The following LHFPL6 variants were observed in gnomAD, a reference collection of about 807,000 sequenced individuals.
LHFPL6 encodes LHFPL tetraspan subfamily member 6 protein.
Under a neutral mutation model 20.6 loss-of-function variants are expected in LHFPL6, and 9 were observed. The observed-to-expected ratio is 0.44, with a 90% CI of 0.26 to 0.76. The LOEUF is 0.76. Among genes scored for constraint, LHFPL6 ranks in the 30% least tolerant of loss-of-function variants. The pLI is 0.20. For synonymous variants in LHFPL6, 105 were observed against 98.7 expected (o/e 1.06, Z -0.38); for missense variants, 218 against 253.5 (o/e 0.86, Z 0.95).
chr13:39,370,692 G>C (rs1316633737), intron 3 of LHFPL6, among the ~76,000 whole-genome samples: 2 of 152,190 alleles, frequency 1.3e-5, no homozygotes, highest in Admixed American at 1.3e-4. Context: ...ACACAACGCA[G>C]ATGCCTGCAG....
intron 2 of LHFPL6, among the ~76,000 whole-genome samples, chr13:39,521,072 A>T (rs1870090625): frequency 6.6e-6 from 1 of 152,178 alleles, no homozygotes; most frequent in African/African-American, 2.4e-5. Context: ...AATTATGACT[A>T]CTTGGACAAC....
chr13:39,480,764 A>C (rs1868483258), intron 2 of LHFPL6, among the ~76,000 whole-genome samples: 1 of 152,178 alleles, frequency 6.6e-6, no homozygotes, highest in Admixed American at 6.5e-5. Flanking sequence ...CACAGACACA[A>C]CAGTGACTGC....
At chr13:39,407,645 G>A (rs17059840) in intron 2 of LHFPL6, among the ~76,000 whole-genome samples, 2,096 of 152,278 alleles carry the variant, frequency 0.014, 58 homozygotes, top group African/African-American at 0.048. Context: ...GGAGTTAAAT[G>A]TAATGAACTA....
At chr13:39,530,247 C>CAA (rs529766145) in intron 2 of LHFPL6, among the ~76,000 whole-genome samples, 8 of 102,164 alleles carry the variant, frequency 7.8e-5, no homozygotes, top group South Asian at 3.0e-4. Flanking sequence ...GACCTTGTTT[C>CAA]AAAAAAAAAA....
At chr13:39,487,506 C>T (rs899123140) in intron 2 of LHFPL6, among the ~76,000 whole-genome samples, 3 of 152,206 alleles carry the variant, frequency 2.0e-5, no homozygotes, top group Admixed American at 6.5e-5. Flanking sequence ...TAATAGGGCT[C>T]AGCATCTATA....
chr13:39,533,485 C>T (rs1355520509), intron 2 of LHFPL6, among the ~76,000 whole-genome samples: 4 of 152,170 alleles, frequency 2.6e-5, no homozygotes, highest in South Asian at 2.1e-4. Context: ...TGCCCCACAT[C>T]GCTTTCACCC....
chr13:39,448,956 A>C (rs1443596443), intron 2 of LHFPL6, among the ~76,000 whole-genome samples: 1 of 152,240 alleles, frequency 6.6e-6, no homozygotes, highest in African/African-American at 2.4e-5. Context: ...ATGCATTAGA[A>C]GTCATCTGAT....
intron 2 of LHFPL6, among the ~76,000 whole-genome samples, chr13:39,493,026 A>G (rs1868980320): frequency 6.6e-6 from 1 of 152,048 alleles, no homozygotes; most frequent in Non-Finnish European, 1.5e-5. Context: ...ATGTTCCATC[A>G]TGTGAATATG....
chr13:39,495,059 G>A (rs547733774), intron 2 of LHFPL6, among the ~76,000 whole-genome samples: 34 of 152,206 alleles, frequency 2.2e-4, no homozygotes, highest in African/African-American at 6.3e-4. Context: ...CACTTTCTCC[G>A]TGCTCACCAC....
chr13:39,514,577 CT>C lies in LHFPL6; in HGVS notation c.385+86254del, dbSNP rs1418159119. Among the ~76,000 whole-genome samples, 5 of 152,150 alleles carry C rather than the reference CT, an allele frequency of 3.3e-5. No homozygotes were observed. The East Asian group carries it at 9.6e-4, about 29-fold the overall frequency. ...AAGCTACCCATGAACACAAAATTCA[CT>C]GAAGAAATGTGAGCCCCAAACTCCA... On this transcript the variant is annotated intron_variant, in intron 2 of 3. Coordinates refer to ENST00000379589, the MANE Select transcript of LHFPL6 (RefSeq NM_005780.3).
At chr13:39,586,005 C>T (rs577692296) in intron 2 of LHFPL6, among the ~76,000 whole-genome samples, 1 of 152,106 alleles carries the variant, frequency 6.6e-6, no homozygotes, top group Admixed American at 6.6e-5. Context: ...GGCACCCTCA[C>T]CCCATACCTT....
At chr13:39,415,511 A>C (rs1215129860) in intron 2 of LHFPL6, among the ~76,000 whole-genome samples, 2 of 152,066 alleles carry the variant, frequency 1.3e-5, no homozygotes, top group African/African-American at 2.4e-5. Context: ...AAAAAAAAAA[A>C]AACAAAAAAC....
intron 2 of LHFPL6, among the ~76,000 whole-genome samples, chr13:39,564,130 T>A (rs1871638431): frequency 6.6e-6 from 1 of 151,244 alleles, no homozygotes; most frequent in Non-Finnish European, 1.5e-5. Context: ...ATTTTATTTT[T>A]GTTCAAAAGA....
chr13:39,510,745 G>C (rs1190188359), intron 2 of LHFPL6, among the ~76,000 whole-genome samples: 1 of 152,102 alleles, frequency 6.6e-6, no homozygotes, highest in Non-Finnish European at 1.5e-5. Context: ...GGACAACTTT[G>C]CTTCCTGAGT....
intron 2 of LHFPL6, among the ~76,000 whole-genome samples, chr13:39,520,159 T>C (rs1321910215): frequency 2.6e-5 from 4 of 152,176 alleles, no homozygotes; most frequent in African/African-American, 9.6e-5. Context: ...TGTGTAAGAT[T>C]TGGTGACCTA....
rs71077225 is a variant in LHFPL6 at position 39,345,512 on chromosome 13, C to CAAAAAAAAAAAAAAAAAAAAAAAA, written c.485-1482_485-1459dup. 3.2e-4 allele frequency among the ~76,000 whole-genome samples: 14 copies of CAAAAAAAAAAAAAAAAAAAAAAAA among 43,454 alleles called. 1 individual carries two copies. The highest frequency in any genetic ancestry group is 9.8e-4 in the East Asian group (1 of 1,016). 28.5% of individuals were successfully genotyped at this position (43,454 alleles called of 152,430 possible). A position where few individuals can be genotyped will look rare whatever the true frequency, so the allele number is the denominator to read the frequency against. The stretch of plus-strand genomic sequence containing the variant: ...TGGGTCAGGGAGCGAGACTCCATCT[C>CAAAAAAAAAAAAAAAAAAAAAAAA]AAAAAAAAAAAAAAAAAAAAAAAAA... On this transcript the variant is annotated intron_variant, in intron 3 of 3. Coordinates refer to ENST00000379589, the MANE Select transcript of LHFPL6 (RefSeq NM_005780.3).
chr13:39,408,369 C>A (rs1185344524), intron 2 of LHFPL6, among the ~76,000 whole-genome samples: 1 of 152,196 alleles, frequency 6.6e-6, no homozygotes, highest in Non-Finnish European at 1.5e-5. Context: ...ATGAAGATAT[C>A]TTTTCATCCC....
At chr13:39,440,540 A>G (rs1430363167) in intron 2 of LHFPL6, among the ~76,000 whole-genome samples, 1 of 152,200 alleles carries the variant, frequency 6.6e-6, no homozygotes, top group Non-Finnish European at 1.5e-5. Flanking sequence ...CTTTGACTTT[A>G]TAATCTCCAG....
intron 3 of LHFPL6, among the ~76,000 whole-genome samples, chr13:39,352,482 C>T (rs1039183493): frequency 2.0e-5 from 3 of 152,124 alleles, no homozygotes; most frequent in Non-Finnish European, 4.4e-5. Flanking sequence ...CAGTTCCTGC[C>T]CTCTGACTGC....
Sources: allele counts gnomAD v4.1 joint callset (sites outside exome capture counted in the v4.1 genomes callset), GRCh38; gene constraint gnomAD v4.1.1; transcripts MANE v1.5; gene names NCBI Gene and HGNC (gene_info 2026-07-23, HGNC 2026-07-21).